Variants in GAK observed in about 807,000 individuals in gnomAD.
GAK encodes cyclin G associated kinase, also known as cyclin-G-associated kinase.
GAK carries 79 observed loss-of-function variants against 143.9 expected under a neutral mutation model. That is an observed-to-expected ratio of 0.55 (90% CI 0.46 to 0.66). The LOEUF (loss-of-function observed/expected upper bound fraction) is 0.66. Among genes scored for constraint, GAK ranks in the 30% least tolerant of loss-of-function variants. The pLI is 0.00. For missense variants in GAK, 1,693 were observed against 1,779.7 expected (o/e 0.95, Z 0.88); for synonymous variants, 881 against 765.5 (o/e 1.15, Z -2.49).
rs141625555 is a variant in GAK at position 866,597 on chromosome 4, C to A, written c.2873-63G>T. ...GCTGCCTGAAGACAAAGGAGCCCAGCTCTGGAGTCAGGCCTGCCCAAGAGG... is the reference window on the plus strand; with the variant it reads ...GCTGCCTGAAGACAAAGGAGCCCAGATCTGGAGTCAGGCCTGCCCAAGAGG... On this transcript the variant is annotated intron_variant, in intron 21 of 27. Coordinates refer to ENST00000314167, the MANE Select transcript of GAK (RefSeq NM_005255.4). The A allele has an allele frequency of 6.3e-3, 9,859 of 1,558,292 alleles. 123 individuals carry two copies. Among genetic ancestry groups the A allele is most frequent in the East Asian group, 0.047 (2,061 of 43,906 alleles).
At chr4:879,543 C>T (rs1273908536) in intron 15 of GAK, among the ~76,000 whole-genome samples, 3 of 152,172 alleles carry the variant, frequency 2.0e-5, no homozygotes, top group African/African-American at 7.2e-5. Context: ...TTGCGGCTGA[C>T]ATCTTTCTTT....
chr4:878,627 A>T (rs1378970561), intron 15 of GAK, among the ~76,000 whole-genome samples: 1 of 152,152 alleles, frequency 6.6e-6, no homozygotes, highest in Non-Finnish European at 1.5e-5. Flanking sequence ...CGGATTACTG[A>T]GACGAAAATA....
At chr4:878,890 A>C (rs1036976514) in intron 15 of GAK, among the ~76,000 whole-genome samples, 1 of 152,136 alleles carries the variant, frequency 6.6e-6, no homozygotes, top group Non-Finnish European at 1.5e-5. Context: ...CACCACTTCT[A>C]TGGTGACGGT....
chr4:904,687 C>T lies in GAK; in HGVS notation c.475G>A (p.Val159Met), dbSNP rs762370737. The T allele has an allele frequency of 6.2e-7, 1 of 1,612,966 alleles. No individual in the cohort carries two copies. Among genetic ancestry groups the T allele is most frequent in the Non-Finnish European group, 8.5e-7 (1 of 1,179,360 alleles). ...GGCTTCTGCCGGTGCATGTGCTGCA[C>T]GGCGCGGCACGTCTGGTAGAAGATC... Reference protein sequence around the residue: ...LKIFYQTCRAVQHMHRQKPPI... With the variant: ...LKIFYQTCRAMQHMHRQKPPI... Residue 159 changes from valine (V) to methionine (M), a missense_variant, in exon 5 of 28, where the codon GTG becomes ATG. Coordinates refer to ENST00000314167, the MANE Select transcript of GAK (RefSeq NM_005255.4).
intron 1 of GAK, among the ~76,000 whole-genome samples, chr4:917,763 T>C (rs1723310206): frequency 6.6e-6 from 1 of 152,256 alleles, no homozygotes; most frequent in Non-Finnish European, 1.5e-5. Flanking sequence ...TGCCGAAACA[T>C]TTAAAACATG....
At chr4:874,461 TATTTCAAGGATA>T (rs1350975858) in intron 18 of GAK, among the ~76,000 whole-genome samples, 1 of 152,200 alleles carries the variant, frequency 6.6e-6, no homozygotes, top group East Asian at 1.9e-4. Flanking sequence ...CTGGCTTTCA[TATTTCAAGGATA>T]ATTTCACTGG....
chr4:851,002 C>T lies in GAK; in HGVS notation c.3591G>A (p.Gly1197=), dbSNP rs1011651588. ...QGFSSRSDKK[G]PKTIAEMRKQ... is the part of the protein sequence containing the mutation. The stretch of plus-strand genomic sequence containing the variant: ...TCCTCATCTCTGCAATGGTCTTTGG[C>T]CCTTTCTTGTCAGACCTGGAGGAGA... Residue 1197 remains glycine (G), a synonymous_variant, in exon 26 of 28, where the codon GGG becomes GGA. Transcript: ENST00000314167. 1.2e-6 allele frequency: 2 copies of T among 1,614,144 alleles called. No individual in the cohort carries two copies. The highest frequency in any genetic ancestry group is 3.3e-5 in the Admixed American group (2 of 60,030).
At chr4:874,854 C>T (rs1035527073) in intron 18 of GAK, among the ~76,000 whole-genome samples, 9 of 152,188 alleles carry the variant, frequency 5.9e-5, no homozygotes, top group South Asian at 2.1e-4. Context: ...CAGTCTCTCT[C>T]GTGACCCTCT....
chr4:857,254 T>C (rs973676855), intron 24 of GAK, among the ~76,000 whole-genome samples: 2 of 152,214 alleles, frequency 1.3e-5, no homozygotes, highest in Non-Finnish European at 2.9e-5. Context: ...TGTATATTCA[T>C]GGGGAATATA....
At chr4:918,815 C>T (rs1723452324) in intron 1 of GAK, among the ~76,000 whole-genome samples, 2 of 150,530 alleles carry the variant, frequency 1.3e-5, no homozygotes, top group African/African-American at 4.9e-5. Context: ...GCCGCATGAC[C>T]TTAGAAAGGC....
intron 18 of GAK, among the ~76,000 whole-genome samples, chr4:871,463 C>A (rs1577100608): frequency 6.6e-6 from 1 of 152,218 alleles, no homozygotes; most frequent in Non-Finnish European, 1.5e-5. Context: ...CAAAAATCCA[C>A]AACTGTCAAC....
rs1286853832 is a variant in GAK at position 881,526 on chromosome 4, C to T, written c.1661+381G>A. Among the ~76,000 whole-genome samples, 5 of 152,366 alleles carry T rather than the reference C, an allele frequency of 3.3e-5. No homozygotes were observed. The East Asian group carries it at 9.6e-4, about 29-fold the overall frequency. On this transcript the variant is annotated intron_variant, in intron 15 of 27. Coordinates refer to ENST00000314167, the MANE Select transcript of GAK (RefSeq NM_005255.4). ...CCTGTATTTGGCAGGGCCCTAAACA[C>T]GCTGTGACTGTACTCATGTCTGAGC...
At chr4:882,510 G>C (rs1288814920) in intron 14 of GAK, among the ~76,000 whole-genome samples, 187 bp downstream of exon 14, 1 of 152,218 alleles carries the variant, frequency 6.6e-6, no homozygotes, top group Admixed American at 6.5e-5. Context: ...ACATGGGGAG[G>C]GAAGGGCGGG....
intron 18 of GAK, among the ~76,000 whole-genome samples, chr4:875,463 C>T (rs201008105): frequency 6.6e-6 from 1 of 152,260 alleles, no homozygotes; most frequent in African/African-American, 2.4e-5. Context: ...GCCAGGCCAG[C>T]ACCCCTCCCA....
intron 1 of GAK, among the ~76,000 whole-genome samples, chr4:914,729 C>A (rs1291154957): frequency 8.1e-6 from 1 of 124,034 alleles, no homozygotes; most frequent in Non-Finnish European, 1.7e-5. Flanking sequence ...CCGCACTCAG[C>A]CCCAGCGTGC....
chr4:910,756 G>T lies in GAK; in HGVS notation c.382+917C>A, dbSNP rs529059670. Among the ~76,000 whole-genome samples the T allele has an allele frequency of 4.2e-5, 4 of 94,664 alleles. No homozygotes were observed. The East Asian group carries it at 1.9e-3, about 45-fold the overall frequency. 62.1% of individuals were successfully genotyped at this position (94,664 alleles called of 152,430 possible). A position where few individuals can be genotyped will look rare whatever the true frequency, so the allele number is the denominator to read the frequency against. On this transcript the variant is annotated intron_variant, in intron 4 of 27. Transcript: ENST00000314167. ...CTCTCCCCTCTCTCCCTGCCTGGGG[G>T]ACAGACGCAGGGGTCACTAGTGTCA...
chr4:856,372 TCACCACAGCTGCTCACACCTGCTCAC>T (rs1749194637), intron 24 of GAK, among the ~76,000 whole-genome samples: 3 of 79,544 alleles, frequency 3.8e-5, no homozygotes, highest in Admixed American at 1.1e-4. Flanking sequence ...CCACAGCTGC[TCACCACAGCTGCTCACACCTGCTCAC>T]CACCACAGCT....
intron 2 of GAK, among the ~76,000 whole-genome samples, chr4:913,215 G>A (rs1239508033): frequency 1.3e-5 from 2 of 152,238 alleles, no homozygotes; most frequent in Non-Finnish European, 2.9e-5. Flanking sequence ...GGACAAAACT[G>A]CACAGTACAG....
chr4:924,837 G>A (rs1724455824), intron 1 of GAK, among the ~76,000 whole-genome samples: 1 of 152,014 alleles, frequency 6.6e-6, no homozygotes, highest in South Asian at 2.1e-4. Flanking sequence ...GTTCCCCCGG[G>A]GGGCTGCTCT....
Sources: gnomAD v4.1 joint callset for allele counts (sites outside exome capture counted in the v4.1 genomes callset) on GRCh38, gnomAD v4.1.1 for gene constraint, MANE v1.5 for transcripts, NCBI Gene and HGNC (gene_info 2026-07-23, HGNC 2026-07-21) for gene names.